Variants in ANP32B observed in about 807,000 individuals in gnomAD.
ANP32B encodes acidic nuclear phosphoprotein 32 family member B, also known as acidic leucine-rich nuclear phosphoprotein 32 family member B.
In ANP32B, 6 loss-of-function variants were observed where a neutral mutation model predicts 32.2. The ratio of observed to expected loss-of-function variants is 0.19; its 90% confidence interval spans 0.10 to 0.37. The LOEUF is 0.37. Among genes scored for constraint, ANP32B ranks in the 10% least tolerant of loss-of-function variants. The pLI is 1.00. For missense variants in ANP32B, 204 were observed against 289.2 expected (o/e 0.71, Z 2.14); for synonymous variants, 98 against 105.8 (o/e 0.93, Z 0.45).
intron 1 of ANP32B, among the ~76,000 whole-genome samples, chr9:97,988,437 G>A (rs1266233882): frequency 6.6e-6 from 1 of 152,012 alleles, no homozygotes; most frequent in Non-Finnish European, 1.5e-5. Flanking sequence ...ATAGAGATCC[G>A]TTCCAGGCTG....
chr9:97,986,622 C>A (rs2131579724), intron 1 of ANP32B: 1 of 152,376 alleles, frequency 6.6e-6, no homozygotes, highest in East Asian at 1.9e-4. Flanking sequence ...CTCTTAAAAT[C>A]ACATTCAGCT....
chr9:98,008,737 C>T (rs1001283278), intron 4 of ANP32B, among the ~76,000 whole-genome samples: 60 of 152,176 alleles, frequency 3.9e-4, no homozygotes, highest in Admixed American at 3.3e-4. Context: ...CCAGATGGGA[C>T]TGTCTAGTTG....
At chr9:98,003,748 T>C (rs899660821) in intron 3 of ANP32B, among the ~76,000 whole-genome samples, 3 of 152,222 alleles carry the variant, frequency 2.0e-5, no homozygotes, top group African/African-American at 7.2e-5. Context: ...TTTTTAGAAA[T>C]TATTTTATGT....
At chr9:97,987,212 T>G (rs1827751021) in intron 1 of ANP32B, among the ~76,000 whole-genome samples, 1 of 151,922 alleles carries the variant, frequency 6.6e-6, no homozygotes, top group Non-Finnish European at 1.5e-5. Flanking sequence ...AAAAGAGCTC[T>G]TATGGCAGGG....
chr9:98,006,991 AAAC>A (rs1165794497), intron 4 of ANP32B, among the ~76,000 whole-genome samples: 5 of 152,118 alleles, frequency 3.3e-5, no homozygotes, highest in Admixed American at 2.0e-4. Context: ...CCATCTCAAA[AAAC>A]AAACAAACAA....
chr9:97,998,581 T>C lies in ANP32B; in HGVS notation c.230T>C (p.Phe77Ser). 6.2e-7 allele frequency: 1 copy of C among 1,610,792 alleles called. No homozygotes were observed. The highest frequency in any genetic ancestry group is 8.5e-7 in the Non-Finnish European group (1 of 1,178,986). The change falls in exon 3 of 7, where the codon TTT (phenylalanine) becomes TCT (serine). Residue 77 changes from phenylalanine (F) to serine (S), a missense_variant. Phe to Ser is a radical substitution (Grantham distance 155). Coordinates refer to ENST00000339399, the MANE Select transcript of ANP32B (RefSeq NM_006401.3). ...CTTGAACTCAGTGAAAATAGAATCTTTGGAGGTCTGGACATGTTAGCTGAA... is the reference window on the plus strand; with the variant it reads ...CTTGAACTCAGTGAAAATAGAATCTCTGGAGGTCTGGACATGTTAGCTGAA... ...KKLELSENRI[F>S]GGLDMLAEKL... is the part of the protein sequence containing the mutation.
At chr9:98,012,793 C>T (rs556604113) in intron 6 of ANP32B, among the ~76,000 whole-genome samples, 4 of 152,252 alleles carry the variant, frequency 2.6e-5, no homozygotes, top group South Asian at 4.1e-4. Flanking sequence ...TGCAGTGGCA[C>T]GATCTCGGCT....
chr9:97,996,075 A>G (rs1002363213), intron 2 of ANP32B, among the ~76,000 whole-genome samples: 1 of 152,180 alleles, frequency 6.6e-6, no homozygotes, highest in Admixed American at 6.5e-5. Flanking sequence ...CTGATGAGAA[A>G]GAAATTTCCC....
At chr9:97,984,511 T>C (rs1220074121) in intron 1 of ANP32B, 7 of 150,834 alleles carry the variant, frequency 4.6e-5, no homozygotes, top group Admixed American at 3.9e-4. Flanking sequence ...CCCGGGAGGC[T>C]GGCCCCTCCG....
At chr9:98,006,832 A>G (rs1828093610) in intron 4 of ANP32B, among the ~76,000 whole-genome samples, 1 of 152,068 alleles carries the variant, frequency 6.6e-6, no homozygotes. Flanking sequence ...CTGCAAAAAT[A>G]CAAAAATTAA....
intron 2 of ANP32B, 127 bp from the exon 3 acceptor site, chr9:97,998,429 A>G (rs1321464676): frequency 9.7e-7 from 1 of 1,034,306 alleles, no homozygotes; most frequent in African/African-American, 1.6e-5. Flanking sequence ...TGCATGCCCT[A>G]ATAGAAATAG....
intron 6 of ANP32B, 49 bp from the exon 7 acceptor site, chr9:98,015,315 A>G (rs1330662574): frequency 6.5e-7 from 1 of 1,544,308 alleles, no homozygotes; most frequent in East Asian, 2.5e-5. Flanking sequence ...CAATAATCTA[A>G]GCAAAATGCC....
chr9:97,998,533 G>A (rs1827940988), intron 2 of ANP32B, 23 bp from the exon 3 acceptor site: 2 of 1,596,446 alleles, frequency 1.3e-6, no homozygotes, highest in African/African-American at 2.7e-5. Context: ...TTGTGTTTGT[G>A]TTGTGTCCAT....
rs1200894940 is a variant in ANP32B, at chr9:98,007,044, C to T, written c.517+1891C>T. Among the ~76,000 whole-genome samples, 7 of 151,876 alleles carry T rather than the reference C, an allele frequency of 4.6e-5. No homozygotes were observed. In the East Asian group the frequency reaches 1.2e-3, roughly 25 times the overall value. ...CACCACTTGGAGACCAAGCACCCTG[C>T]GTTTAAAAGACAAGCCTTTGGAGTT... On this transcript the variant is annotated intron_variant, in intron 4 of 6. Coordinates refer to ENST00000339399, the MANE Select transcript of ANP32B (RefSeq NM_006401.3).
At chr9:97,988,996 C>G (rs1827782336) in intron 1 of ANP32B, among the ~76,000 whole-genome samples, 1 of 152,168 alleles carries the variant, frequency 6.6e-6, no homozygotes. Context: ...GAGCATCGCC[C>G]CACCAGTTAG....
chr9:97,987,904 A>G (rs974807331), intron 1 of ANP32B, among the ~76,000 whole-genome samples: 3 of 152,162 alleles, frequency 2.0e-5, no homozygotes, highest in Non-Finnish European at 4.4e-5. Flanking sequence ...TTGGTTGCAT[A>G]GCAACTAATT....
intron 1 of ANP32B, chr9:97,984,799 C>G (rs1231274305): frequency 1.3e-5 from 2 of 150,452 alleles, no homozygotes; most frequent in Non-Finnish European, 3.0e-5. Flanking sequence ...ACCCCCTCCC[C>G]CTTCTTAAAA....
intron 1 of ANP32B, among the ~76,000 whole-genome samples, chr9:97,993,598 G>A (rs1290977903): frequency 1.3e-5 from 2 of 152,198 alleles, no homozygotes; most frequent in Non-Finnish European, 2.9e-5. Context: ...TCTGCATGTA[G>A]ACTATTAAAT....
At chr9:97,995,067 T>C (rs577348272) in intron 2 of ANP32B, among the ~76,000 whole-genome samples, 62 of 152,348 alleles carry the variant, frequency 4.1e-4, no homozygotes, top group Admixed American at 1.2e-3. Context: ...CAATAAGTAG[T>C]AGTTAGGAAG....
Sources: allele counts gnomAD v4.1 joint callset (sites outside exome capture counted in the v4.1 genomes callset), GRCh38; gene constraint gnomAD v4.1.1; transcripts MANE v1.5; gene names NCBI Gene and HGNC (gene_info 2026-07-23, HGNC 2026-07-21).